Variants in SERPINB8 observed in about 807,000 individuals in gnomAD.
The protein encoded by SERPINB8 is serpin B8.
Under a neutral mutation model 35.3 loss-of-function variants are expected in SERPINB8, and 25 were observed. That is an observed-to-expected ratio of 0.71 (90% confidence interval 0.52 to 0.99). The LOEUF (loss-of-function observed/expected upper bound fraction) is 0.99. Among genes scored for constraint, SERPINB8 ranks in the 50% least tolerant of loss-of-function variants. The probability of loss-of-function intolerance (pLI) is 0.00; values close to 1 mark genes in which losing one functional copy is unlikely to be tolerated. For synonymous variants in SERPINB8, 186 were observed against 160.8 expected, an observed-to-expected ratio of 1.16 and a Z score of -1.19; for missense variants, 484 against 446.5, an observed-to-expected ratio of 1.08 and a Z score of -0.76.
At position 63,973,147 on chromosome 18, in the gene SERPINB8, C is replaced by G. The variant is rs1214472626; in HGVS notation, c.-11+2977C>G. On this transcript the variant is annotated intron_variant, in intron 1 of 6. Coordinates refer to ENST00000397985, the MANE Select transcript of SERPINB8 (RefSeq NM_002640.4). ...TCCTTTTTCTCCACATCCTCTCCAG[C>G]ACCTGTTGTTTCCTGACTTTTTAAT... 7.2e-5 allele frequency among the ~76,000 whole-genome samples: 11 copies of G among 152,354 alleles called. 1 individual carries two copies. Among genetic ancestry groups the G allele is most frequent in the African/African-American group, 2.6e-4 (11 of 41,586 alleles).
intron 1 of SERPINB8, among the ~76,000 whole-genome samples, chr18:63,997,970 C>G (rs1320637602): frequency 1.3e-5 from 2 of 152,214 alleles, no homozygotes; most frequent in South Asian, 2.1e-4. Flanking sequence ...CTCATTGCCT[C>G]TGATCCATGA....
At chr18:64,017,752 C>G (rs1199453268) in intron 7 of SERPINB8, among the ~76,000 whole-genome samples, 1 of 152,184 alleles carries the variant, frequency 6.6e-6, no homozygotes, top group Non-Finnish European at 1.5e-5. Context: ...GCAGCCTCTG[C>G]AGAGTGCTGA....
intron 1 of SERPINB8, among the ~76,000 whole-genome samples, chr18:64,004,149 T>A (rs534997541): frequency 3.1e-4 from 30 of 96,584 alleles, no homozygotes; most frequent in Non-Finnish European, 5.6e-4. Flanking sequence ...TTTGCCTATA[T>A]CTTTTTTGGA....
intron 3 of SERPINB8, among the ~76,000 whole-genome samples, chr18:63,980,884 C>T (rs369301816): frequency 3.9e-5 from 6 of 152,198 alleles, no homozygotes; most frequent in African/African-American, 1.4e-4. Flanking sequence ...TATCCAAAGC[C>T]AGGTTTTTGT....
intron 1 of SERPINB8, among the ~76,000 whole-genome samples, chr18:64,003,504 G>T (rs1480873303): frequency 1.4e-5 from 2 of 148,084 alleles, no homozygotes; most frequent in South Asian, 2.2e-4. Context: ...AACTCCATTG[G>T]ATATTGAGGG....
At chr18:64,007,940 A>G (rs1269470010), downstream of SERPINB8, among the ~76,000 whole-genome samples, 5 of 152,252 alleles carry the variant, frequency 3.3e-5, no homozygotes, top group Non-Finnish European at 7.3e-5. Flanking sequence ...AAGCCAGTCT[A>G]AACTGTTGGA....
exon 8 of SERPINB8, chr18:64,019,033 T>C (rs574565632): frequency 6.6e-6 from 1 of 152,332 alleles, no homozygotes; most frequent in African/African-American, 2.4e-5. Flanking sequence ...ACAGATTTCA[T>C]CTTCAGGTCT....
At chr18:64,005,073 C>T (rs2050893533) in exon 2 of SERPINB8, 1 of 386,646 alleles carries the variant, frequency 2.6e-6, no homozygotes, top group South Asian at 1.4e-4. Context: ...CAAAAGAAGA[C>T]ATTCAAATGT....
At chr18:63,971,186 C>T (rs1426197244) in intron 1 of SERPINB8, among the ~76,000 whole-genome samples, 2 of 152,212 alleles carry the variant, frequency 1.3e-5, no homozygotes, top group Non-Finnish European at 2.9e-5. Flanking sequence ...CCCTCGCCCT[C>T]CTCTGTCTCT....
At chr18:64,011,741 A>C (rs1471114628) in intron 7 of SERPINB8, among the ~76,000 whole-genome samples, 1 of 152,180 alleles carries the variant, frequency 6.6e-6, no homozygotes, top group African/African-American at 2.4e-5. Flanking sequence ...AGTTGATATT[A>C]GGGAAGCAAA....
At chr18:64,012,926 G>A (rs2050932306) in intron 7 of SERPINB8, among the ~76,000 whole-genome samples, 1 of 152,130 alleles carries the variant, frequency 6.6e-6, no homozygotes, top group Non-Finnish European at 1.5e-5. Context: ...AAGAAGCCCG[G>A]AGGGGTGGCC....
At chr18:63,980,169 G>T (rs2050648745) in intron 3 of SERPINB8, among the ~76,000 whole-genome samples, 1 of 152,056 alleles carries the variant, frequency 6.6e-6, no homozygotes. Context: ...ACGCAGCCCT[G>T]CTTCTCCCCC....
intron 1 of SERPINB8, among the ~76,000 whole-genome samples, chr18:63,977,371 G>C (rs991817891): frequency 6.6e-6 from 1 of 151,788 alleles, no homozygotes; most frequent in African/African-American, 2.4e-5. Flanking sequence ...CTGTTGCCCA[G>C]GCTGGAGTGC....
chr18:64,014,844 G>A (rs542089453), intron 7 of SERPINB8, among the ~76,000 whole-genome samples: 9 of 152,222 alleles, frequency 5.9e-5, no homozygotes, highest in African/African-American at 1.9e-4. Context: ...GGCAAATTGA[G>A]CTACCCAGAT....
At chr18:64,010,814 A>G (rs145892380) in intron 7 of SERPINB8, among the ~76,000 whole-genome samples, 270 of 152,194 alleles carry the variant, frequency 1.8e-3, no homozygotes, top group African/African-American at 6.1e-3. Context: ...ACAAAATACA[A>G]GATAGTATTA....
At chr18:63,999,894 G>A (rs1259433433) in intron 1 of SERPINB8, among the ~76,000 whole-genome samples, 2 of 152,182 alleles carry the variant, frequency 1.3e-5, no homozygotes, top group Non-Finnish European at 2.9e-5. Flanking sequence ...TGTATGCTCT[G>A]GGTGGTTTTT....
At chr18:63,986,713 G>C (rs1157629385) in intron 6 of SERPINB8, 161 bp from the exon 7 acceptor site, 22 of 1,405,292 alleles carry the variant, frequency 1.6e-5, no homozygotes, top group Non-Finnish European at 1.9e-5. Context: ...GAAAATTTGG[G>C]AGAAAATCTT....
At chr18:63,978,216 G>A (rs1599136558) in intron 1 of SERPINB8, 83 bp from the exon 2 acceptor site, 10 of 1,463,754 alleles carry the variant, frequency 6.8e-6, no homozygotes, top group Admixed American at 1.7e-5. Flanking sequence ...CCACCTCAGC[G>A]TCCACTGACT....
At chr18:64,011,593 T>A (rs1241634974) in intron 7 of SERPINB8, among the ~76,000 whole-genome samples, 1 of 152,178 alleles carries the variant, frequency 6.6e-6, no homozygotes, top group Non-Finnish European at 1.5e-5. Context: ...GGTGCCTATA[T>A]TGTTGTCACC....
Sources: gnomAD v4.1 joint callset for allele counts (sites outside exome capture counted in the v4.1 genomes callset) on GRCh38, gnomAD v4.1.1 for gene constraint, MANE v1.5 for transcripts, NCBI Gene and HGNC (gene_info 2026-07-23, HGNC 2026-07-21) for gene names.